The following TTC28 variants were observed in gnomAD, a reference collection of about 807,000 sequenced individuals.
TTC28 encodes the protein tetratricopeptide repeat domain 28, also known as tetratricopeptide repeat protein 28.
TTC28 carries 61 observed loss-of-function variants against 198.0 expected under a neutral mutation model. The ratio of observed to expected loss-of-function variants is 0.31; its 90% CI spans 0.25 to 0.38. The LOEUF is 0.38. Among genes scored for constraint, TTC28 ranks in the 10% least tolerant of loss-of-function variants. The pLI is 1.00. For missense variants in TTC28, 2,678 were observed against 3,164.0 expected (o/e 0.85, Z 3.69); for synonymous variants, 1,171 against 1,297.8 (o/e 0.90, Z 2.10).
intron 2 of TTC28, among the ~76,000 whole-genome samples, chr22:28,473,444 C>T (rs695796): frequency 0.66 from 101,099 of 152,042 alleles, 33,923 homozygotes; most frequent in South Asian, 0.8. Flanking sequence ...CGCCCAATGG[C>T]CAGTTTACTA....
At chr22:28,372,137 C>G (rs193167662) in intron 2 of TTC28, among the ~76,000 whole-genome samples, 52 of 152,192 alleles carry the variant, frequency 3.4e-4, no homozygotes, top group African/African-American at 1.2e-3. Flanking sequence ...AACAGGAAAC[C>G]TTCAACAATG....
intron 2 of TTC28, among the ~76,000 whole-genome samples, chr22:28,620,775 A>G (rs754363602): frequency 6.6e-6 from 1 of 152,180 alleles, no homozygotes; most frequent in Non-Finnish European, 1.5e-5. Context: ...TCTGCTTATC[A>G]TGAGAGTGTT....
chr22:28,469,474 C>A (rs1196285935), intron 2 of TTC28, among the ~76,000 whole-genome samples: 3 of 151,306 alleles, frequency 2.0e-5, no homozygotes, highest in Non-Finnish European at 4.4e-5. Flanking sequence ...AATTAAGGAT[C>A]AAAAAAATAA....
chr22:28,626,406 C>T (rs559906938), intron 2 of TTC28, among the ~76,000 whole-genome samples: 14 of 152,014 alleles, frequency 9.2e-5, no homozygotes, highest in African/African-American at 3.1e-4. Flanking sequence ...TAGCTTTTCA[C>T]ACATCAGACT....
intron 2 of TTC28, among the ~76,000 whole-genome samples, chr22:28,476,592 TC>T (rs2048170770): frequency 6.6e-6 from 1 of 152,166 alleles, no homozygotes; most frequent in East Asian, 1.9e-4. Context: ...TTCCTAGTCA[TC>T]CCCCACAAAA....
intron 5 of TTC28, among the ~76,000 whole-genome samples, chr22:28,202,241 A>C (rs1926020157): frequency 6.6e-6 from 1 of 152,142 alleles, no homozygotes; most frequent in Admixed American, 6.5e-5. Flanking sequence ...AGAGCTTAAA[A>C]ACAACAGAAA....
chr22:28,618,289 A>C (rs1212561631), intron 2 of TTC28, among the ~76,000 whole-genome samples: 2 of 152,106 alleles, frequency 1.3e-5, no homozygotes, highest in Admixed American at 1.3e-4. Context: ...TCAATCAATC[A>C]ATCAATCAAT....
chr22:28,574,381 TGTGA>T (rs199992917), intron 2 of TTC28, among the ~76,000 whole-genome samples: 2,901 of 152,044 alleles, frequency 0.019, 27 homozygotes, highest in Non-Finnish European at 0.026. Context: ...GTGTGTTGTG[TGTGA>T]GTGTGTGTGT....
At chr22:28,323,618 T>C (rs1218017483) in intron 2 of TTC28, among the ~76,000 whole-genome samples, 1 of 152,244 alleles carries the variant, frequency 6.6e-6, no homozygotes, top group Admixed American at 6.5e-5. Context: ...TTACAGGATC[T>C]AGAAAACAGC....
At chr22:28,483,729 A>G (rs1301448967) in intron 2 of TTC28, among the ~76,000 whole-genome samples, 2 of 152,190 alleles carry the variant, frequency 1.3e-5, no homozygotes, top group African/African-American at 4.8e-5. Flanking sequence ...GGACTCTATA[A>G]ATCTCAAACC....
intron 14 of TTC28, among the ~76,000 whole-genome samples, chr22:28,012,698 G>A (rs1202589400): frequency 6.6e-6 from 1 of 152,118 alleles, no homozygotes; most frequent in Non-Finnish European, 1.5e-5. Context: ...TTTTTGTAGA[G>A]ACGAGGTCTC....
chr22:28,550,147 C>T (rs1383738334), intron 2 of TTC28, among the ~76,000 whole-genome samples: 1 of 151,962 alleles, frequency 6.6e-6, no homozygotes, highest in East Asian at 1.9e-4. Flanking sequence ...CTCCTCACTA[C>T]GTCCCTGAAA....
chr22:28,633,116 C>G (rs1453706902), intron 1 of TTC28, among the ~76,000 whole-genome samples: 1 of 151,750 alleles, frequency 6.6e-6, no homozygotes, highest in African/African-American at 2.4e-5. Flanking sequence ...CTCATCTCTA[C>G]TAAATATACA....
chr22:28,561,219 A>G (rs781476748), intron 2 of TTC28, among the ~76,000 whole-genome samples: 2 of 150,852 alleles, frequency 1.3e-5, no homozygotes, highest in Non-Finnish European at 3.0e-5. Context: ...GACTACAGGC[A>G]CCCACCGCCA....
rs748907730 is a variant in TTC28, at chr22:28,202,406, A to T, written c.934-38807T>A. On this transcript the variant is annotated intron_variant, in intron 5 of 22. Transcript: ENST00000397906. The stretch of plus-strand genomic sequence containing the variant: ...ACAAAAATTAGCAGGGCATGGCAGC[A>T]GGAGCCTGTCATCTCAGCTATTCAG... 3.3e-5 allele frequency among the ~76,000 whole-genome samples: 5 copies of T among 152,080 alleles called. No homozygotes were observed. The East Asian group carries it at 7.8e-4, about 24-fold the overall frequency.
chr22:28,430,028 G>C (rs2047408335), intron 2 of TTC28, among the ~76,000 whole-genome samples: 1 of 146,426 alleles, frequency 6.8e-6, no homozygotes, highest in Admixed American at 7.0e-5. Flanking sequence ...CAAGGGCTCT[G>C]GAATATGATT....
intron 13 of TTC28, among the ~76,000 whole-genome samples, chr22:28,022,072 G>A (rs978502429): frequency 2.6e-5 from 4 of 152,224 alleles, no homozygotes; most frequent in African/African-American, 9.6e-5. Flanking sequence ...AGCAACATCA[G>A]GGGCAAGGCC....
At chr22:28,589,855 T>C (rs1420845980) in intron 2 of TTC28, among the ~76,000 whole-genome samples, 2 of 151,580 alleles carry the variant, frequency 1.3e-5, no homozygotes, top group Non-Finnish European at 2.9e-5. Flanking sequence ...CTGGCCAAGA[T>C]GGTGAAACCC....
intron 2 of TTC28, among the ~76,000 whole-genome samples, chr22:28,545,024 A>G (rs1224467796): frequency 6.6e-6 from 1 of 152,198 alleles, no homozygotes; most frequent in African/African-American, 2.4e-5. Flanking sequence ...TACTTTCTTA[A>G]TAAATTTGCT....
Sources: allele counts gnomAD v4.1 joint callset (sites outside exome capture counted in the v4.1 genomes callset), GRCh38; gene constraint gnomAD v4.1.1; transcripts MANE v1.5; gene names NCBI Gene and HGNC (gene_info 2026-07-23, HGNC 2026-07-21).